Variants in FGF7 observed in about 807,000 individuals in gnomAD.
FGF7 encodes the protein fibroblast growth factor 7, also known as FGF-7.
A neutral mutation model predicts 20.5 loss-of-function variants in FGF7; 6 were observed. The ratio of observed to expected loss-of-function variants is 0.29; its 90% CI spans 0.16 to 0.58. The LOEUF is 0.58. Among genes scored for constraint, FGF7 ranks in the 20% least tolerant of loss-of-function variants. The probability of loss-of-function intolerance (pLI) is 0.90; values close to 1 mark genes in which losing one functional copy is unlikely to be tolerated. For missense variants in FGF7, 144 were observed against 228.8 expected (o/e 0.63, Z 2.39); for synonymous variants, 64 against 74.7 (o/e 0.86, Z 0.74).
At chr15:49,458,108 G>T (rs1484172756) in intron 2 of FGF7, among the ~76,000 whole-genome samples, 1 of 151,922 alleles carries the variant, frequency 6.6e-6, no homozygotes, top group Non-Finnish European at 1.5e-5. Flanking sequence ...CTGAGGTAGG[G>T]CTTCAGCTTG....
chr15:49,446,418 G>A (rs1460561395), intron 2 of FGF7, among the ~76,000 whole-genome samples: 1 of 151,464 alleles, frequency 6.6e-6, no homozygotes, highest in Non-Finnish European at 1.5e-5. Context: ...GAAATAATTT[G>A]GTAAGTTACG....
Position 49,487,819 on chromosome 15 carries a change from T to C in FGF7, c.*3315T>C, listed in dbSNP as rs2056530430. ...ATTTGTGGTTGCGTTAATATGACAA[T>C]GTCTGCAATTAAACACCAGTAAGCA... On this transcript the variant is annotated 3_prime_UTR_variant, in exon 4 of 4. Coordinates refer to ENST00000267843, the MANE Select transcript of FGF7 (RefSeq NM_002009.4). 6 of 152,120 alleles carry C rather than the reference T, an allele frequency of 3.9e-5. No homozygotes were observed. In the South Asian group the frequency reaches 1.2e-3, roughly 31 times the overall value. The allele number at this position is 152,120 out of a possible 1,614,324, so 9.4% of individuals were successfully genotyped here.
intron 2 of FGF7, among the ~76,000 whole-genome samples, 154 bp from the exon 3 acceptor site, chr15:49,482,997 T>A (rs1449235419): frequency 1.3e-5 from 2 of 152,116 alleles, no homozygotes; most frequent in South Asian, 2.1e-4. Context: ...TTTGTGTGTA[T>A]CTGTTGTGGG....
At chr15:49,433,533 C>G (rs140183086) in intron 2 of FGF7, among the ~76,000 whole-genome samples, 1 of 151,476 alleles carries the variant, frequency 6.6e-6, no homozygotes, top group African/African-American at 2.4e-5. Context: ...GAATTAAAAG[C>G]CTTGCTGAAA....
chr15:49,431,033 G>A (rs2050569600), intron 2 of FGF7, among the ~76,000 whole-genome samples: 1 of 151,588 alleles, frequency 6.6e-6, no homozygotes, highest in African/African-American at 2.4e-5. Context: ...ACAATTTTTG[G>A]TAGCACAATA....
intron 2 of FGF7, among the ~76,000 whole-genome samples, chr15:49,474,013 G>T (rs1054231188): frequency 6.6e-6 from 1 of 151,974 alleles, no homozygotes; most frequent in African/African-American, 2.4e-5. Flanking sequence ...ATATAACCTT[G>T]AAAAATATAC....
intron 2 of FGF7, among the ~76,000 whole-genome samples, chr15:49,451,275 T>C (rs1047822467): frequency 2.0e-5 from 3 of 152,078 alleles, no homozygotes; most frequent in Non-Finnish European, 4.4e-5. Context: ...TTGCATATCA[T>C]AGAGGCTAAG....
intron 2 of FGF7, among the ~76,000 whole-genome samples, chr15:49,444,985 G>T (rs1567288430): frequency 6.6e-6 from 1 of 151,320 alleles, no homozygotes; most frequent in African/African-American, 2.4e-5. Flanking sequence ...TATTCATTCT[G>T]ATTCATATTC....
At chr15:49,446,585 A>G (rs1312309800) in intron 2 of FGF7, among the ~76,000 whole-genome samples, 3 of 151,316 alleles carry the variant, frequency 2.0e-5, no homozygotes, top group African/African-American at 7.3e-5. Context: ...GATTTCATAG[A>G]GGGTAAAGAG....
chr15:49,438,738 T>G (rs1178849543), intron 2 of FGF7, among the ~76,000 whole-genome samples: 1 of 151,636 alleles, frequency 6.6e-6, no homozygotes, highest in Non-Finnish European at 1.5e-5. Context: ...CAGTTTTTGT[T>G]TTTGTATTTG....
At chr15:49,481,730 T>C (rs915264076) in intron 2 of FGF7, among the ~76,000 whole-genome samples, 2 of 152,348 alleles carry the variant, frequency 1.3e-5, no homozygotes, top group Admixed American at 6.5e-5. Flanking sequence ...TGCATTGTGA[T>C]AATGCTTAAT....
chr15:49,450,217 G>A (rs1297614414), intron 2 of FGF7, among the ~76,000 whole-genome samples: 1 of 152,094 alleles, frequency 6.6e-6, no homozygotes, highest in Admixed American at 6.6e-5. Flanking sequence ...TCAAGTGACA[G>A]AAGAATAACA....
At chr15:49,476,232 G>GTTTTTTTTTTTTTTTTTTTTTC in intron 2 of FGF7, among the ~76,000 whole-genome samples, 1 of 57,440 alleles carries the variant, frequency 1.7e-5, no homozygotes, top group South Asian at 5.5e-4. Context: ...TTTGTTTTTG[G>GTTTTTTTTTTTTTTTTTTTTTC]TTTTTTTTTT....
intron 2 of FGF7, among the ~76,000 whole-genome samples, chr15:49,479,251 CTCTTT>C (rs1247282380): frequency 1.3e-5 from 2 of 151,938 alleles, no homozygotes; most frequent in African/African-American, 2.4e-5. Context: ...GATTCTCTCT[CTCTTT>C]TATTTATATT....
At chr15:49,461,829 A>G (rs1307490578) in intron 2 of FGF7, among the ~76,000 whole-genome samples, 1 of 152,216 alleles carries the variant, frequency 6.6e-6, no homozygotes, top group Non-Finnish European at 1.5e-5. Flanking sequence ...CAAGCTCTCT[A>G]TCTACATATG....
chr15:49,463,370 A>G (rs570273124), intron 2 of FGF7, among the ~76,000 whole-genome samples: 1 of 152,184 alleles, frequency 6.6e-6, no homozygotes, highest in African/African-American at 2.4e-5. Flanking sequence ...CCTGGCCAAC[A>G]TAGTGAAACC....
chr15:49,451,646 G>C (rs1056432902), intron 2 of FGF7, among the ~76,000 whole-genome samples: 4 of 152,000 alleles, frequency 2.6e-5, no homozygotes, highest in Non-Finnish European at 5.9e-5. Flanking sequence ...TAAACATGAA[G>C]TGAAACACAG....
At chr15:49,454,499 T>A (rs187351761) in intron 2 of FGF7, among the ~76,000 whole-genome samples, 2 of 152,346 alleles carry the variant, frequency 1.3e-5, no homozygotes, top group Admixed American at 1.3e-4. Context: ...GCTGTGGAAC[T>A]CCCTACTAAT....
intron 2 of FGF7, among the ~76,000 whole-genome samples, chr15:49,436,017 C>T (rs2051069467): frequency 6.6e-6 from 1 of 151,484 alleles, no homozygotes; most frequent in Non-Finnish European, 1.5e-5. Flanking sequence ...CAAAATATCT[C>T]CATGCTGTAA....
Sources: allele counts gnomAD v4.1 joint callset (sites outside exome capture counted in the v4.1 genomes callset), GRCh38; gene constraint gnomAD v4.1.1; transcripts MANE v1.5; gene names NCBI Gene and HGNC (gene_info 2026-07-23, HGNC 2026-07-21).